Variants in SLCO3A1 observed in about 807,000 individuals in gnomAD.
SLCO3A1 encodes the protein PGE1 transporter.
Under a neutral mutation model 63.1 loss-of-function variants are expected in SLCO3A1, and 27 were observed. That is an observed-to-expected ratio of 0.43 (90% confidence interval 0.32 to 0.59). SLCO3A1 has a LOEUF of 0.59. Among genes scored for constraint, SLCO3A1 ranks in the 20% least tolerant of loss-of-function variants. The probability of loss-of-function intolerance (pLI) is 0.09; values close to 1 mark genes in which losing one functional copy is unlikely to be tolerated. For missense variants in SLCO3A1, 773 were observed against 945.8 expected, an observed-to-expected ratio of 0.82 and a Z score of 2.40; for synonymous variants, 473 against 409.9, an observed-to-expected ratio of 1.15 and a Z score of -1.86.
At chr15:91,908,602 A>C (rs1898385088) in intron 1 of SLCO3A1, 1 of 152,124 alleles carries the variant, frequency 6.6e-6, no homozygotes, top group Admixed American at 6.5e-5. Flanking sequence ...ATGAGAAACA[A>C]AACCTCACAC....
In SLCO3A1 at chr15:91,882,116, A is replaced by C. The variant is rs904450339; in HGVS notation, c.180+28028A>C. 1.3e-5 allele frequency among the ~76,000 whole-genome samples: 2 copies of C among 152,194 alleles called. No homozygotes were observed. Among genetic ancestry groups the C allele is most frequent in the African/African-American group, 4.8e-5 (2 of 41,442 alleles). ...TAGTTGCCTAGAAGGGAAGCAGTGC[A>C]TTCCAGGATCAGGCAGTATAAACAG... On this transcript the variant is annotated intron_variant, in intron 1 of 9. Transcript: ENST00000318445. This position sits in a 1 kb window ranked among gnomAD's most constrained non-coding sequence, Gnocchi z 4.4.
intron 2 of SLCO3A1, among the ~76,000 whole-genome samples, chr15:92,035,954 T>C (rs1756194561): frequency 6.8e-6 from 1 of 148,016 alleles, no homozygotes; most frequent in Non-Finnish European, 1.5e-5. Flanking sequence ...CACTGCCTAG[T>C]GTAGACTCTA....
At position 91,894,245 on chromosome 15, in the gene SLCO3A1, G is replaced by T. The variant is rs886146678; in HGVS notation, c.181-21748G>T. Among the ~76,000 whole-genome samples the T allele has an allele frequency of 3.9e-5, 6 of 152,062 alleles. No individual in the cohort carries two copies. The highest frequency in any genetic ancestry group is 5.9e-5 in the Non-Finnish European group (4 of 68,012). On this transcript the variant is annotated intron_variant, in intron 1 of 9. Transcript: ENST00000318445. This position sits in a 1 kb window ranked among gnomAD's most constrained non-coding sequence, Gnocchi z 4.8. ...TGAGGTTGGAGAGGAGGGCAGGGGT[G>T]GGGGGTTTTATAGCATCTTGCAGGC...
intron 2 of SLCO3A1, among the ~76,000 whole-genome samples, chr15:92,045,892 A>T (rs1018775141): frequency 1.3e-5 from 2 of 152,144 alleles, no homozygotes; most frequent in Non-Finnish European, 2.9e-5. Flanking sequence ...TGAGGTTCAA[A>T]TTTGGCTCAG....
At chr15:91,909,536 C>T (rs1469380625) in intron 1 of SLCO3A1, among the ~76,000 whole-genome samples, 1 of 152,182 alleles carries the variant, frequency 6.6e-6, no homozygotes. Flanking sequence ...CTGTTTTTAG[C>T]ATCTGCTCCC....
chr15:92,066,016 C>T (rs35884194), intron 2 of SLCO3A1, among the ~76,000 whole-genome samples: 17,510 of 152,280 alleles, frequency 0.11, 1,133 homozygotes, highest in East Asian at 0.27. Context: ...GGGCAACATT[C>T]ACAAAGGTGA....
intron 2 of SLCO3A1, among the ~76,000 whole-genome samples, chr15:91,973,135 C>T (rs560320072): frequency 5.2e-4 from 79 of 152,246 alleles, no homozygotes; most frequent in Middle Eastern, 3.4e-3. Context: ...AAAAGGGCAA[C>T]GGGCAGTGCC....
At chr15:91,960,799 A>C (rs906360308) in intron 2 of SLCO3A1, among the ~76,000 whole-genome samples, 2 of 152,160 alleles carry the variant, frequency 1.3e-5, no homozygotes, top group Non-Finnish European at 2.9e-5. Flanking sequence ...GAATATTTGC[A>C]TTATATATAG....
chr15:92,156,148 T>C (rs1000901721), intron 9 of SLCO3A1, among the ~76,000 whole-genome samples: 15 of 152,258 alleles, frequency 9.9e-5, no homozygotes, highest in African/African-American at 3.6e-4. Flanking sequence ...ATGCCAAAGT[T>C]TATAGGCAAG....
At chr15:92,169,374 C>T (rs1007998555), downstream of SLCO3A1, among the ~76,000 whole-genome samples, 1 of 152,178 alleles carries the variant, frequency 6.6e-6, no homozygotes, top group Non-Finnish European at 1.5e-5. Flanking sequence ...GAGGGACCTC[C>T]CTCCCCACCT....
At chr15:92,062,599 G>T (rs2047100088) in intron 2 of SLCO3A1, among the ~76,000 whole-genome samples, 1 of 152,184 alleles carries the variant, frequency 6.6e-6, no homozygotes, top group Non-Finnish European at 1.5e-5. Context: ...AGACTGGTTG[G>T]CCTGAAGAGT....
chr15:91,869,178 A>C (rs1445366248), intron 1 of SLCO3A1, among the ~76,000 whole-genome samples: 1 of 152,086 alleles, frequency 6.6e-6, no homozygotes, highest in African/African-American at 2.4e-5. Flanking sequence ...AAGTGGGAGG[A>C]TCACTTGAGC....
At chr15:92,082,448 T>C (rs2047358691) in intron 2 of SLCO3A1, among the ~76,000 whole-genome samples, 2 of 152,198 alleles carry the variant, frequency 1.3e-5, no homozygotes, top group South Asian at 2.1e-4. Context: ...AGGTCAGCAC[T>C]GCCCTCTAGT....
intron 1 of SLCO3A1, chr15:91,889,251 C>A: frequency 1.0e-6 from 1 of 964,348 alleles, no homozygotes; most frequent in Non-Finnish European, 1.4e-6. Context: ...GGTGGTCCTG[C>A]TGGACCTGGA....
chr15:91,866,575 T>A (rs12911118), intron 1 of SLCO3A1, among the ~76,000 whole-genome samples: 49,533 of 139,792 alleles, frequency 0.35, 9,802 homozygotes, highest in African/African-American at 0.58. Flanking sequence ...CTCCTTTTTT[T>A]AAAAAAAAAA....
At chr15:92,158,980 C>A (rs1596157465) in intron 9 of SLCO3A1, among the ~76,000 whole-genome samples, 1 of 152,234 alleles carries the variant, frequency 6.6e-6, no homozygotes, top group Middle Eastern at 3.4e-3. Flanking sequence ...AAAATACCAC[C>A]CCAAATCCCC....
intron 3 of SLCO3A1, among the ~76,000 whole-genome samples, chr15:92,103,248 A>G (rs1392405318): frequency 1.3e-5 from 2 of 152,062 alleles, no homozygotes; most frequent in Non-Finnish European, 2.9e-5. Flanking sequence ...TTCTCCTTCC[A>G]TGTTCCAGGG....
At chr15:91,879,304 C>CT (rs11381112) in intron 1 of SLCO3A1, among the ~76,000 whole-genome samples, 91,659 of 146,510 alleles carry the variant, frequency 0.63, 28,748 homozygotes, top group East Asian at 0.82. Context: ...TTTTTTCTGC[C>CT]TTTTTTTTTT....
In SLCO3A1 at chr15:91,898,594, C is replaced by A. The variant is rs532248112; in HGVS notation, c.181-17399C>A. Among the ~76,000 whole-genome samples the A allele has an allele frequency of 2.8e-4, 43 of 152,270 alleles. No homozygotes were observed. The South Asian group carries it at 8.9e-3, about 32-fold the overall frequency. On this transcript the variant is annotated intron_variant, in intron 1 of 9. Coordinates refer to ENST00000318445, the MANE Select transcript of SLCO3A1 (RefSeq NM_013272.4). ...AGCTAAAGGAATTTAACATTTCGAT[C>A]CGCAAGATACTAACATCATCCTCAG... is the stretch of plus-strand genomic sequence containing the variant.
Sources: gnomAD v4.1 joint callset for allele counts (sites outside exome capture counted in the v4.1 genomes callset) on GRCh38, gnomAD v4.1.1 for gene constraint, Gnocchi (gnomAD v3.1) non-coding constraint, MANE v1.5 for transcripts, NCBI Gene and HGNC (gene_info 2026-07-23, HGNC 2026-07-21) for gene names.